The following ADGRL4 variants were observed in gnomAD, a reference collection of about 807,000 sequenced individuals.
ADGRL4 encodes the protein adhesion G protein-coupled receptor L4, also known as EGF, latrophilin and seven transmembrane domain containing 1.
ADGRL4 carries 90 observed loss-of-function variants against 74.8 expected under a neutral mutation model. The observed-to-expected ratio is 1.20, with a 90% CI of 1.02 to 1.43. The LOEUF (loss-of-function observed/expected upper bound fraction) is 1.43, where lower values mean the gene tolerates loss of function less well. Among genes scored for constraint, ADGRL4 ranks in the 40% most tolerant of loss-of-function variants. The probability of loss-of-function intolerance (pLI) is 0.00; values close to 1 mark genes in which losing one functional copy is unlikely to be tolerated. For missense variants in ADGRL4, 881 were observed against 814.3 expected (o/e 1.08, Z -1.00); for synonymous variants, 311 against 279.2 (o/e 1.11, Z -1.14).
intron 12 of ADGRL4, among the ~76,000 whole-genome samples, chr1:78,896,457 T>G (rs1002675547): frequency 3.9e-5 from 6 of 152,236 alleles, no homozygotes; most frequent in Middle Eastern, 3.4e-3. Context: ...GCAAATAACC[T>G]ATTTTTTTCT....
At chr1:78,922,570 T>C (rs982732266) in intron 8 of ADGRL4, among the ~76,000 whole-genome samples, 2 of 152,048 alleles carry the variant, frequency 1.3e-5, no homozygotes, top group Non-Finnish European at 2.9e-5. Flanking sequence ...CTATACCTAA[T>C]GTATGGTTTA....
chr1:78,961,616 A>G (rs1362819067), intron 2 of ADGRL4, among the ~76,000 whole-genome samples: 1 of 152,140 alleles, frequency 6.6e-6, no homozygotes, highest in African/African-American at 2.4e-5. Context: ...ATAATGACCT[A>G]CTGTCTGCCA....
chr1:78,898,995 T>TG (rs1648459187), intron 12 of ADGRL4, among the ~76,000 whole-genome samples: 2 of 152,306 alleles, frequency 1.3e-5, no homozygotes, highest in South Asian at 4.1e-4. Context: ...GACTTCAAAA[T>TG]GAAGCATCCC....
At chr1:78,942,101 G>A (rs890562537) in intron 3 of ADGRL4, among the ~76,000 whole-genome samples, 1 of 144,408 alleles carries the variant, frequency 6.9e-6, no homozygotes, top group African/African-American at 2.6e-5. Context: ...TCGGGAGGCT[G>A]AGGCAGGAGA....
In ADGRL4 at chr1:78,891,020, A is replaced by G. The variant is rs1259662846; in HGVS notation, c.*134T>C. On this transcript the variant is annotated 3_prime_UTR_variant, in exon 15 of 15. Coordinates refer to ENST00000370742, the MANE Select transcript of ADGRL4 (RefSeq NM_022159.4). ...TCTACAGTTCCTATAGCATAAACAGAAAAACTGATTTAAAATACTTTTTGT... is the reference window on the plus strand; with the variant it reads ...TCTACAGTTCCTATAGCATAAACAGGAAAACTGATTTAAAATACTTTTTGT... 1.1e-6 allele frequency: 1 copy of G among 898,572 alleles called. No individual in the cohort carries two copies. The highest frequency in any genetic ancestry group is 1.8e-6 in the Non-Finnish European group (1 of 550,766). 55.7% of individuals were successfully genotyped at this position (898,572 alleles called of 1,614,324 possible). A position where few individuals can be genotyped will look rare whatever the true frequency, so the allele number is the denominator to read the frequency against.
intron 12 of ADGRL4, among the ~76,000 whole-genome samples, chr1:78,895,799 G>T (rs1240135120): frequency 1.3e-5 from 2 of 151,974 alleles, no homozygotes; most frequent in African/African-American, 2.4e-5. Flanking sequence ...GAAGTGCAAA[G>T]GTTTATTTGC....
chr1:78,920,542 G>T (rs1462810077), intron 9 of ADGRL4, among the ~76,000 whole-genome samples, 156 bp from the exon 10 acceptor site: 1 of 151,754 alleles, frequency 6.6e-6, no homozygotes, highest in Non-Finnish European at 1.5e-5. Context: ...GAAAAATTTT[G>T]TACTTTTGAA....
chr1:78,977,060 A>G (rs2100722619), intron 2 of ADGRL4, among the ~76,000 whole-genome samples: 1 of 151,856 alleles, frequency 6.6e-6, no homozygotes, highest in South Asian at 2.1e-4. Context: ...CATACAAAGC[A>G]CCATGACTAA....
At chr1:78,906,575 C>A (rs900441636) in intron 12 of ADGRL4, among the ~76,000 whole-genome samples, 12 of 151,990 alleles carry the variant, frequency 7.9e-5, no homozygotes, top group Middle Eastern at 6.9e-3. Context: ...GCATTTACAA[C>A]AATGTAAATT....
At chr1:78,930,793 C>T (rs913236847) in intron 7 of ADGRL4, among the ~76,000 whole-genome samples, 1 of 151,274 alleles carries the variant, frequency 6.6e-6, no homozygotes, top group Non-Finnish European at 1.5e-5. Context: ...TTTAGCGGTT[C>T]TGTACTGTCT....
At chr1:79,000,992 A>G (rs1650827912) in intron 2 of ADGRL4, among the ~76,000 whole-genome samples, 1 of 152,128 alleles carries the variant, frequency 6.6e-6, no homozygotes, top group Non-Finnish European at 1.5e-5. Flanking sequence ...ATGAAGCAAA[A>G]CATACATATA....
chr1:78,906,483 T>C (rs938182290), intron 12 of ADGRL4, among the ~76,000 whole-genome samples: 4 of 152,002 alleles, frequency 2.6e-5, no homozygotes. Flanking sequence ...CATGGGTTTA[T>C]CTTTATCACT....
At chr1:78,968,790 T>C (rs1650111135) in intron 2 of ADGRL4, among the ~76,000 whole-genome samples, 1 of 152,186 alleles carries the variant, frequency 6.6e-6, no homozygotes, top group Admixed American at 6.5e-5. Context: ...CCATGAAAAT[T>C]TGTTATTCAC....
At chr1:78,939,357 T>A (rs557535061) in intron 3 of ADGRL4, 99 bp from the exon 4 acceptor site, 2 of 1,152,104 alleles carry the variant, frequency 1.7e-6, no homozygotes, top group Non-Finnish European at 2.2e-6. Context: ...TATTTAAATA[T>A]TAAAAAGACA....
At chr1:78,954,930 G>C (rs112313178) in intron 2 of ADGRL4, among the ~76,000 whole-genome samples, 1 of 152,014 alleles carries the variant, frequency 6.6e-6, no homozygotes, top group Non-Finnish European at 1.5e-5. Flanking sequence ...GACCAAAAAT[G>C]TAATTAATAA....
chr1:78,958,291 AAT>A (rs1216208036), intron 2 of ADGRL4, among the ~76,000 whole-genome samples: 4 of 152,152 alleles, frequency 2.6e-5, no homozygotes, highest in Non-Finnish European at 4.4e-5. Context: ...TTATTTAAGA[AAT>A]ACACTTTTAT....
intron 2 of ADGRL4, among the ~76,000 whole-genome samples, chr1:78,992,998 C>T (rs774420371): frequency 6.6e-6 from 1 of 152,024 alleles, no homozygotes; most frequent in Non-Finnish European, 1.5e-5. Context: ...TTTTTTTCTA[C>T]ATTCTCCTAA....
At chr1:78,998,764 A>C (rs1261955237) in intron 2 of ADGRL4, among the ~76,000 whole-genome samples, 1 of 152,240 alleles carries the variant, frequency 6.6e-6, no homozygotes, top group Non-Finnish European at 1.5e-5. Context: ...AATTCATTTT[A>C]TCTCAATGAG....
chr1:78,985,178 A>G (rs1276355506), intron 2 of ADGRL4, among the ~76,000 whole-genome samples: 1 of 151,764 alleles, frequency 6.6e-6, no homozygotes, highest in African/African-American at 2.4e-5. Flanking sequence ...CATGTAAACA[A>G]CAATCCAATA....
Sources: allele counts gnomAD v4.1 joint callset (sites outside exome capture counted in the v4.1 genomes callset), GRCh38; gene constraint gnomAD v4.1.1; transcripts MANE v1.5; gene names NCBI Gene and HGNC (gene_info 2026-07-23, HGNC 2026-07-21).